The following UGGT1 variants were observed in gnomAD, a reference collection of about 807,000 sequenced individuals.
UGGT1 encodes the protein UDP-glucose:glycoprotein glucosyltransferase 1.
In UGGT1, 107 loss-of-function variants were observed where a neutral mutation model predicts 203.9. That is an observed-to-expected ratio of 0.52 (90% CI 0.45 to 0.62). UGGT1 has a LOEUF of 0.62. Ranked by LOEUF, UGGT1 falls within the 20% of genes least tolerant of loss-of-function variation. The pLI is 0.00. For missense variants in UGGT1, 1,673 were observed against 1,867.2 expected (o/e 0.90, Z 1.92); for synonymous variants, 628 against 653.5 (o/e 0.96, Z 0.59).
chr2:128,183,875 C>A, intron 38 of UGGT1, 86 bp downstream of exon 38: 2 of 963,734 alleles, frequency 2.1e-6, no homozygotes, highest in Non-Finnish European at 3.2e-6. Context: ...TGTCTTCAGT[C>A]CTCTCCTCAC....
intron 8 of UGGT1, among the ~76,000 whole-genome samples, chr2:128,118,788 C>T (rs985499446): frequency 6.6e-6 from 1 of 152,024 alleles, no homozygotes; most frequent in Non-Finnish European, 1.5e-5. Context: ...GCCATCATGG[C>T]CTGCTGCAGC....
chr2:128,095,951 A>T (rs916231368), intron 1 of UGGT1, among the ~76,000 whole-genome samples: 1 of 152,206 alleles, frequency 6.6e-6, no homozygotes, highest in Non-Finnish European at 1.5e-5. Context: ...AAGCCCAAGG[A>T]TAGCTTAGTG....
intron 12 of UGGT1, 57 bp from the exon 13 acceptor site, chr2:128,128,972 A>C (rs2105414025): frequency 6.9e-7 from 1 of 1,459,550 alleles, no homozygotes; most frequent in Admixed American, 2.6e-5. Flanking sequence ...TCATGGTGAG[A>C]ATTTTTTTTA....
intron 25 of UGGT1, among the ~76,000 whole-genome samples, chr2:128,163,043 C>T (rs1690603816): frequency 6.6e-6 from 1 of 152,176 alleles, no homozygotes; most frequent in Admixed American, 6.5e-5. Flanking sequence ...TCTGCATCCC[C>T]AAGGCTGCCC....
chr2:128,100,020 C>CCG (rs1553431317), intron 2 of UGGT1, among the ~76,000 whole-genome samples: 1 of 58,926 alleles, frequency 1.7e-5, no homozygotes, highest in Non-Finnish European at 3.7e-5. Flanking sequence ...GATTTACAAC[C>CCG]CCCCCCCCCA....
intron 26 of UGGT1, among the ~76,000 whole-genome samples, chr2:128,167,988 T>A (rs1194518073): frequency 6.6e-6 from 1 of 152,212 alleles, no homozygotes; most frequent in Non-Finnish European, 1.5e-5. Flanking sequence ...GAGTCCTTTT[T>A]GAGACTCTCT....
At chr2:128,109,501 C>T in intron 4 of UGGT1, 133 bp from the exon 5 acceptor site, 1 of 706,588 alleles carries the variant, frequency 1.4e-6, no homozygotes, top group Non-Finnish European at 2.4e-6. Flanking sequence ...GGATTACAGG[C>T]ACGAGCTACC....
chr2:128,110,636 A>G (rs1469347755), intron 5 of UGGT1, among the ~76,000 whole-genome samples: 1 of 152,200 alleles, frequency 6.6e-6, no homozygotes, highest in Non-Finnish European at 1.5e-5. Flanking sequence ...TTATGAAGAA[A>G]AGAACAACGG....
Position 128,158,423 on chromosome 2 carries a change from G to A in UGGT1, c.2355+1077G>A, listed in dbSNP as rs73955958. Reference sequence around the variant, plus strand: ...CGCCTCTTCCCTCTTCTCATATTAGGGAATAGGTTTGCCTATCTTTTAGTT... The same window carrying A: ...CGCCTCTTCCCTCTTCTCATATTAGAGAATAGGTTTGCCTATCTTTTAGTT... On this transcript the variant is annotated intron_variant, in intron 22 of 40. Coordinates refer to ENST00000259253, the MANE Select transcript of UGGT1 (RefSeq NM_020120.4). Among the ~76,000 whole-genome samples, 768 of 152,146 alleles carry A rather than the reference G, an allele frequency of 5.0e-3. 10 individuals carry two copies. Among genetic ancestry groups the A allele is most frequent in the African/African-American group, 0.016 (677 of 41,510 alleles).
chr2:128,114,969 A>G (rs1274208869), intron 6 of UGGT1, among the ~76,000 whole-genome samples, 155 bp from the exon 7 acceptor site: 2 of 152,212 alleles, frequency 1.3e-5, no homozygotes, highest in African/African-American at 4.8e-5. Flanking sequence ...TTTCTTAGCC[A>G]TATAGTTAAT....
Position 128,171,279 on chromosome 2 carries a change from A to C in UGGT1, c.3099A>C (p.Leu1033Phe), listed in dbSNP as rs540130141. The C allele has an allele frequency of 6.2e-7, 1 of 1,612,350 alleles. No homozygotes were observed. Among genetic ancestry groups the C allele is most frequent in the African/African-American group, 1.3e-5 (1 of 74,984 alleles). Residue 1033 changes from leucine (L) to phenylalanine (F), a missense_variant, in exon 28 of 41, where the codon TTA (leucine) becomes TTC (phenylalanine). Physicochemically the swap from Leu to Phe is conservative, Grantham distance 22. Coordinates refer to ENST00000259253, the MANE Select transcript of UGGT1 (RefSeq NM_020120.4). The stretch of plus-strand genomic sequence containing the variant: ...AATCCAAACTTTCTGACATGCCTTT[A>C]AAAAGGTAAAACATGCTATGTAAGA... ...NCQSKLSDMP[L>F]KSFYRYVLEP...
In UGGT1 at chr2:128,168,995, C is replaced by T. The variant is rs984606048; in HGVS notation, c.2922-1293C>T. Among the ~76,000 whole-genome samples the T allele has an allele frequency of 3.8e-5, 5 of 131,646 alleles. No homozygotes were observed. The South Asian group carries it at 7.3e-4, about 19-fold the overall frequency. 86.4% of individuals were successfully genotyped at this position (131,646 alleles called of 152,430 possible). On this transcript the variant is annotated intron_variant, in intron 26 of 40. Transcript: ENST00000259253. ...CGGGGAGGTGGAGGTTGCAGTGAAC[C>T]GAGATCACGCCACTATACTCCCAGC...
intron 2 of UGGT1, among the ~76,000 whole-genome samples, chr2:128,098,245 G>T (rs1022612707): frequency 6.6e-6 from 1 of 151,978 alleles, no homozygotes; most frequent in Admixed American, 6.6e-5. Context: ...TTAGCAACGT[G>T]GGGGAAAGAG....
At chr2:128,120,549 C>T (rs1217625596) in intron 9 of UGGT1, 93 bp downstream of exon 9, 7 of 938,422 alleles carry the variant, frequency 7.5e-6, no homozygotes, top group Non-Finnish European at 1.2e-5. Context: ...GTATGTAGTA[C>T]GTGATTCTGA....
chr2:128,159,007 G>A (rs1016350647), intron 22 of UGGT1, among the ~76,000 whole-genome samples: 1 of 152,050 alleles, frequency 6.6e-6, no homozygotes, highest in Admixed American at 6.6e-5. Flanking sequence ...GGAAAGGTGG[G>A]CTGGGGGCCA....
chr2:128,179,104 A>C (rs1437631144), intron 34 of UGGT1, among the ~76,000 whole-genome samples: 1 of 152,142 alleles, frequency 6.6e-6, no homozygotes, highest in Non-Finnish European at 1.5e-5. Flanking sequence ...AGGCACTGTC[A>C]GGAAGGCCTG....
In UGGT1 at chr2:128,133,197, A is replaced by G; in HGVS notation, c.1434A>G (p.Gln478=). 2 of 1,614,140 alleles carry G rather than the reference A, an allele frequency of 1.2e-6. No individual in the cohort carries two copies. Among genetic ancestry groups the G allele is most frequent in the East Asian group, 2.2e-5 (1 of 44,884 alleles). Residue 478 remains glutamine, a synonymous_variant, in exon 14 of 41, where the codon CAA becomes CAG. Coordinates refer to ENST00000259253, the MANE Select transcript of UGGT1 (RefSeq NM_020120.4). The stretch of plus-strand genomic sequence containing the variant: ...ATAATTCGTGGCCTTCTAGTTTACA[A>G]GAGTTGCTTCGACCCACCTTTCCTG... ...SRYNSWPSSL[Q]ELLRPTFPGV...
rs771699675 is a variant in UGGT1, at chr2:128,145,976, C to G, written c.2016+9C>G. Reference sequence around the variant, plus strand: ...AAAGAGCGGTGTACTTGGTGAGTCACGTTTCAAGGCTGATTTTTTAAAGAG... The same window carrying G: ...AAAGAGCGGTGTACTTGGTGAGTCAGGTTTCAAGGCTGATTTTTTAAAGAG... On this transcript the variant is annotated intron_variant, in intron 18 of 40. Coordinates refer to ENST00000259253, the MANE Select transcript of UGGT1 (RefSeq NM_020120.4). The G allele has an allele frequency of 1.9e-6, 3 of 1,613,334 alleles. No individual in the cohort carries two copies. Among genetic ancestry groups the G allele is most frequent in the Non-Finnish European group, 1.7e-6 (2 of 1,179,792 alleles).
intron 36 of UGGT1, among the ~76,000 whole-genome samples, chr2:128,181,854 C>T (rs894212514): frequency 1.3e-5 from 2 of 152,210 alleles, no homozygotes; most frequent in Non-Finnish European, 2.9e-5. Context: ...TCATTATCTC[C>T]ATTTTACAGA....
Sources: allele counts gnomAD v4.1 joint callset (sites outside exome capture counted in the v4.1 genomes callset), GRCh38; gene constraint gnomAD v4.1.1; transcripts MANE v1.5; gene names NCBI Gene and HGNC (gene_info 2026-07-23, HGNC 2026-07-21).